The following MYH7B variants were observed in gnomAD, a reference collection of about 807,000 sequenced individuals.
MYH7B encodes myosin-7B.
Under a neutral mutation model 234.5 loss-of-function variants are expected in MYH7B, and 205 were observed. The ratio of observed to expected loss-of-function variants is 0.87; its 90% CI spans 0.78 to 0.98. The LOEUF is 0.98. Ranked by LOEUF, MYH7B falls within the 50% of genes least tolerant of loss-of-function variation. The pLI is 0.00. For missense variants in MYH7B, 2,652 were observed against 2,633.4 expected (o/e 1.01, Z -0.15); for synonymous variants, 1,193 against 1,105.0 (o/e 1.08, Z -1.58).
At chr20:34,998,361 G>C in exon 33 of MYH7B, 5 of 1,613,944 alleles carry the variant, frequency 3.1e-6, no homozygotes. Flanking sequence ...CAAGGTGGAG[G>C]AGCTGCAGCG....
rs2082021123 is a variant in MYH7B at position 34,986,263 on chromosome 20, GCCC to G, written c.904+68_904+70del. Reference sequence around the variant, plus strand: ...TGGAGGGGCTGCCTGGCGCTTCCTGGCCCCCATCAGGCCAGGCCCTGGTGGTCT... The same window carrying G: ...TGGAGGGGCTGCCTGGCGCTTCCTGGCCATCAGGCCAGGCCCTGGTGGTCT... On this transcript the variant is annotated intron_variant, in intron 14 of 44. Coordinates refer to ENST00000262873, the Ensembl canonical transcript of MYH7B. The G allele has an allele frequency of 2.9e-5, 38 of 1,313,756 alleles. No individual in the cohort carries two copies. In the South Asian group the frequency reaches 4.8e-4, roughly 17 times the overall value. The allele number at this position is 1,313,756 out of a possible 1,614,324, so 81.4% of individuals were successfully genotyped here.
chr20:34,973,496 C>G (rs1021663751), intron 2 of MYH7B, among the ~76,000 whole-genome samples: 5 of 152,204 alleles, frequency 3.3e-5, no homozygotes, highest in African/African-American at 4.8e-5. Context: ...TGGAGTCTCG[C>G]TCTCCTGAAA....
exon 35 of MYH7B, chr20:34,998,795 A>T (rs202122911): frequency 6.2e-7 from 1 of 1,613,202 alleles, no homozygotes; most frequent in Admixed American, 1.7e-5. Flanking sequence ...CACGAGGAGG[A>T]GGCTGAGGCC....
chr20:34,997,783 C>A (rs1329459934), intron 32 of MYH7B, 143 bp downstream of exon 32: 13 of 1,050,932 alleles, frequency 1.2e-5, no homozygotes, highest in Non-Finnish European at 1.7e-5. Context: ...ACCCTCATTT[C>A]TCAGCCTCCT....
At chr20:35,002,149 G>C in intron 44 of MYH7B, 28 bp from the exon 45 acceptor site, 1 of 1,594,172 alleles carries the variant, frequency 6.3e-7, no homozygotes, top group Non-Finnish European at 8.5e-7. Context: ...AGGTAGTACT[G>C]CTCACTCAGC....
At chr20:34,990,177 G>A in intron 21 of MYH7B, 31 bp downstream of exon 21, 7 of 1,614,128 alleles carry the variant, frequency 4.3e-6, no homozygotes, top group Non-Finnish European at 5.9e-6. Flanking sequence ...TCTCCACTCT[G>A]ACAGGGGCCC....
exon 39 of MYH7B, chr20:35,000,551 T>C (rs1569066234): frequency 1.3e-6 from 2 of 1,580,336 alleles, no homozygotes. Context: ...AGGCGCAGGC[T>C]CTGGAGCGCC....
chr20:34,988,490 GGTGA>G (rs1378490519), intron 19 of MYH7B, among the ~76,000 whole-genome samples: 3 of 152,138 alleles, frequency 2.0e-5, no homozygotes, highest in African/African-American at 7.2e-5. Flanking sequence ...AGTGAGCCTT[GGTGA>G]GTGTGTGAGC....
intron 5 of MYH7B, 52 bp from the exon 6 acceptor site, chr20:34,979,338 C>A: frequency 2.1e-6 from 3 of 1,414,700 alleles, no homozygotes; most frequent in Non-Finnish European, 2.9e-6. Flanking sequence ...CCAGCTAGAA[C>A]CTGGAGGTGC....
intron 7 of MYH7B, chr20:34,980,146 G>T: frequency 2.5e-6 from 1 of 393,372 alleles, no homozygotes; most frequent in Non-Finnish European, 4.7e-6. Flanking sequence ...GACGGCCACA[G>T]AGGGTGTGGT....
exon 31 of MYH7B, chr20:34,997,083 G>A: frequency 5.2e-6 from 8 of 1,548,556 alleles, no homozygotes. Flanking sequence ...TGGCTCCCAG[G>A]AAGGACTCCG....
At chr20:34,961,401 C>A (rs1277477302) in intron 2 of MYH7B, among the ~76,000 whole-genome samples, 1 of 152,122 alleles carries the variant, frequency 6.6e-6, no homozygotes, top group East Asian at 1.9e-4. Context: ...AATATAAAGA[C>A]CTTTTTGTTT....
intron 24 of MYH7B, 62 bp downstream of exon 24, chr20:34,991,183 A>G: frequency 8.2e-7 from 1 of 1,222,764 alleles, no homozygotes; most frequent in Non-Finnish European, 1.2e-6. Flanking sequence ...TGGGCAGGAC[A>G]CACATATCAG....
At chr20:34,979,918 C>CG in intron 7 of MYH7B, 114 bp downstream of exon 7, 2 of 1,026,358 alleles carry the variant, frequency 1.9e-6, no homozygotes, top group East Asian at 7.4e-5. Flanking sequence ...AGCGGTGGAT[C>CG]GGGGCTGTGA....
exon 36 of MYH7B, chr20:34,999,255 C>T (rs950433970): frequency 1.5e-5 from 24 of 1,602,888 alleles, no homozygotes; most frequent in Non-Finnish European, 1.8e-5. Context: ...GGAGGAACGG[C>T]GGCGGCAGGA....
At chr20:34,989,227 T>A (rs1252036543) in intron 19 of MYH7B, among the ~76,000 whole-genome samples, 1 of 152,238 alleles carries the variant, frequency 6.6e-6, no homozygotes, top group Admixed American at 6.5e-5. Flanking sequence ...TTTCATACGA[T>A]GCATTTCTGC....
At chr20:34,998,468 G>A (rs1289717781) in intron 33 of MYH7B, 43 bp from the exon 34 acceptor site, 3 of 1,612,532 alleles carry the variant, frequency 1.9e-6, no homozygotes, top group Non-Finnish European at 1.7e-6. Flanking sequence ...CTTTGGTGCA[G>A]CCCTCACCAG....
In MYH7B at chr20:34,986,127, TC is replaced by T; in HGVS notation, c.835del (p.Gln279SerfsTer30). On this transcript the variant is annotated frameshift_variant, in exon 14 of 45. Coordinates refer to ENST00000262873, the Ensembl canonical transcript of MYH7B. LOFTEE classifies it high-confidence loss of function. ...CTCCTGGAGAAGTCGCGGGTGATCT[TC>T]CAGTTGCCTGGTGAGCGCAGCTACC... 1.3e-6 allele frequency: 2 copies of T among 1,593,566 alleles called. No homozygotes were observed. The highest frequency in any genetic ancestry group is 1.7e-6 in the Non-Finnish European group (2 of 1,168,940).
chr20:35,001,548 C>T (rs1251397149), intron 43 of MYH7B, 22 bp downstream of exon 43: 1 of 1,580,022 alleles, frequency 6.3e-7, no homozygotes, highest in Non-Finnish European at 8.6e-7. Flanking sequence ...GGGGCCTGGA[C>T]ACCTGGACCG....
Sources: allele counts gnomAD v4.1 joint callset (sites outside exome capture counted in the v4.1 genomes callset), GRCh38; gene constraint gnomAD v4.1.1; transcripts MANE v1.5; gene names NCBI Gene and HGNC (gene_info 2026-07-23, HGNC 2026-07-21).